Variants in PRELID2 observed in about 807,000 individuals in gnomAD.
PRELID2 encodes the protein PRELI domain containing 2.
A neutral mutation model predicts 28.4 loss-of-function variants in PRELID2; 25 were observed. The observed-to-expected ratio is 0.88, with a 90% CI of 0.64 to 1.23. PRELID2 has a LOEUF of 1.23. Among genes scored for constraint, PRELID2 ranks in the 50% most tolerant of loss-of-function variants. PRELID2 has a pLI of 0.00. For synonymous variants in PRELID2, 76 were observed against 71.6 expected, an observed-to-expected ratio of 1.06 and a Z score of -0.31; for missense variants, 201 against 214.4, an observed-to-expected ratio of 0.94 and a Z score of 0.39.
intron 1 of PRELID2, chr5:145,728,827 T>A: frequency 1.0e-6 from 1 of 986,860 alleles, no homozygotes; most frequent in Non-Finnish European, 1.6e-6. Context: ...ACAAACACCA[T>A]AATGAATATG....
At chr5:145,468,481 G>T (rs112230356), downstream of PRELID2, among the ~76,000 whole-genome samples, 1 of 152,232 alleles carries the variant, frequency 6.6e-6, no homozygotes, top group African/African-American at 2.4e-5. Flanking sequence ...AGATCCTTGA[G>T]GAATCGCCAC....
At chr5:145,369,645 G>GAT in the PRELID2 span, among the ~76,000 whole-genome samples, 1 of 152,028 alleles carries the variant, frequency 6.6e-6, no homozygotes, top group African/African-American at 2.4e-5. Flanking sequence ...CCAGTAATGA[G>GAT]ATTGCTGGGT....
chr5:145,354,723 C>G, the PRELID2 span, among the ~76,000 whole-genome samples: 1 of 152,166 alleles, frequency 6.6e-6, no homozygotes, highest in South Asian at 2.1e-4. Flanking sequence ...AAACTTGTCC[C>G]AAAGTATGTC....
intron 1 of PRELID2, among the ~76,000 whole-genome samples, chr5:145,547,925 A>ATGTTT (rs1561503847): frequency 6.6e-5 from 10 of 152,202 alleles, no homozygotes; most frequent in Non-Finnish European, 1.5e-4. Context: ...ACATGCAAGA[A>ATGTTT]TCTTCACTCT....
At chr5:145,751,259 C>T (rs1394970000) in intron 1 of PRELID2, among the ~76,000 whole-genome samples, 4 of 152,200 alleles carry the variant, frequency 2.6e-5, no homozygotes, top group Non-Finnish European at 5.9e-5. Context: ...GATGGCAAGG[C>T]TTACCCAGGC....
the PRELID2 span, among the ~76,000 whole-genome samples, chr5:145,250,144 A>T: frequency 6.6e-6 from 1 of 152,120 alleles, no homozygotes. Context: ...CTTTCAGGGG[A>T]GAAACCATTA....
chr5:145,775,157 T>C lies in PRELID2; in HGVS notation c.475-10157A>G, dbSNP rs142756423. Reference sequence around the variant, plus strand: ...CAGGAGGCTGAGGTTGGAGAATCACTTGAACCTGGGAGGTGGAGGTTGCAG... The same window carrying C: ...CAGGAGGCTGAGGTTGGAGAATCACCTGAACCTGGGAGGTGGAGGTTGCAG... On this transcript the variant is annotated intron_variant, in intron 5 of 6. Transcript: ENST00000683046. Among the ~76,000 whole-genome samples the C allele has an allele frequency of 6.3e-4, 96 of 152,132 alleles. No homozygotes were observed. The East Asian group carries it at 0.017, about 26-fold the overall frequency.
At chr5:145,391,083 G>A in the PRELID2 span, among the ~76,000 whole-genome samples, 4 of 152,156 alleles carry the variant, frequency 2.6e-5, no homozygotes, top group Non-Finnish European at 4.4e-5. Flanking sequence ...CTACTTTCAT[G>A]GGCTGATGTT....
chr5:145,640,484 A>T (rs1242911074), intron 1 of PRELID2, among the ~76,000 whole-genome samples: 4 of 149,586 alleles, frequency 2.7e-5, no homozygotes, highest in African/African-American at 7.4e-5. Context: ...TCAAAAAAAA[A>T]AAAAAAAAAA....
At chr5:145,454,536 G>A in the PRELID2 span, among the ~76,000 whole-genome samples, 1 of 152,130 alleles carries the variant, frequency 6.6e-6, no homozygotes, top group South Asian at 2.1e-4. Context: ...AAACCCCATT[G>A]TCTCAGCCCA....
the PRELID2 span, among the ~76,000 whole-genome samples, chr5:145,351,888 T>G: frequency 6.6e-6 from 1 of 152,146 alleles, no homozygotes; most frequent in Admixed American, 6.6e-5. Context: ...AGGGCAGTCA[T>G]TAAGCCTTAA....
chr5:145,315,407 A>G, the PRELID2 span, among the ~76,000 whole-genome samples: 1 of 152,186 alleles, frequency 6.6e-6, no homozygotes. Context: ...GCATATGGAC[A>G]TATCTAATCA....
chr5:145,570,202 T>C (rs1446810119), intron 1 of PRELID2, among the ~76,000 whole-genome samples: 1 of 152,208 alleles, frequency 6.6e-6, no homozygotes, highest in East Asian at 1.9e-4. Context: ...TTAACTAGAT[T>C]ACCTCTTTCA....
At chr5:145,316,821 C>G in the PRELID2 span, among the ~76,000 whole-genome samples, 1 of 152,174 alleles carries the variant, frequency 6.6e-6, no homozygotes, top group African/African-American at 2.4e-5. Context: ...CAAAAGCCAC[C>G]AACAATGTTT....
At chr5:145,308,721 G>A in the PRELID2 span, among the ~76,000 whole-genome samples, 1 of 151,940 alleles carries the variant, frequency 6.6e-6, no homozygotes, top group Non-Finnish European at 1.5e-5. Flanking sequence ...ACATATAGTA[G>A]ATAATGACAT....
chr5:145,552,532 C>T (rs1263836313), intron 1 of PRELID2, among the ~76,000 whole-genome samples: 1 of 152,060 alleles, frequency 6.6e-6, no homozygotes, highest in Non-Finnish European at 1.5e-5. Context: ...ACCCCAACCC[C>T]CTGCCTCAGT....
the PRELID2 span, among the ~76,000 whole-genome samples, chr5:145,286,637 G>C: frequency 1.3e-5 from 2 of 151,474 alleles, no homozygotes; most frequent in Non-Finnish European, 2.9e-5. Context: ...TAAACCACTG[G>C]GAACTTATTT....
intron 6 of PRELID2, among the ~76,000 whole-genome samples, chr5:145,762,331 AAAAC>A (rs1274627432): frequency 6.6e-6 from 1 of 152,106 alleles, no homozygotes; most frequent in African/African-American, 2.4e-5. Context: ...ACAAACATAA[AAAAC>A]ACACCAGCCT....
intron 4 of PRELID2, among the ~76,000 whole-genome samples, chr5:145,797,404 GA>G (rs1487782730): frequency 6.6e-6 from 1 of 152,060 alleles, no homozygotes; most frequent in Non-Finnish European, 1.5e-5. Context: ...ACGCAATCAA[GA>G]AAAAACTCCC....
Sources: gnomAD v4.1 joint callset for allele counts (sites outside exome capture counted in the v4.1 genomes callset) on GRCh38, gnomAD v4.1.1 for gene constraint, MANE v1.5 for transcripts, NCBI Gene and HGNC (gene_info 2026-07-23, HGNC 2026-07-21) for gene names.